LIPA: variants seen among roughly 807,000 people sequenced by gnomAD.
LIPA encodes lysosomal acid lipase/cholesteryl ester hydrolase.
Under a neutral mutation model 40.6 loss-of-function variants are expected in LIPA, and 26 were observed. The ratio of observed to expected loss-of-function variants is 0.64; its 90% CI spans 0.47 to 0.89. The LOEUF is 0.89. LIPA is among the 40% of genes least tolerant of loss of function. The probability of loss-of-function intolerance (pLI) is 0.00; values close to 1 mark genes in which losing one functional copy is unlikely to be tolerated. For synonymous variants in LIPA, 188 were observed against 168.4 expected (o/e 1.12, Z -0.90); for missense variants, 455 against 479.6 (o/e 0.95, Z 0.48).
intron 3 of LIPA, among the ~76,000 whole-genome samples, chr10:89,229,868 G>A (rs187906962): frequency 8.5e-4 from 129 of 152,232 alleles, no homozygotes; most frequent in East Asian, 1.7e-3. Context: ...ACAGGGGAGT[G>A]TGGGGGCAGA....
intron 1 of LIPA, among the ~76,000 whole-genome samples, chr10:89,267,099 C>A (rs1292107731): frequency 6.6e-6 from 1 of 152,214 alleles, no homozygotes; most frequent in East Asian, 1.9e-4. Flanking sequence ...CCCTCCTGTT[C>A]ACGTGATGTG....
In LIPA at chr10:89,265,435, C is replaced by T. The variant is rs182735717; in HGVS notation, c.-1-17786G>A. 1.2e-3 allele frequency among the ~76,000 whole-genome samples: 183 copies of T among 152,260 alleles called. 2 individuals carry two copies. The highest frequency in any genetic ancestry group is 6.8e-3 in the Middle Eastern group (2 of 294). ...TTCGCAGAGGCCACTCCAGATGGGC[C>T]GCTGCTGCCATCAGAATCAGTAAAC... is the stretch of plus-strand genomic sequence containing the variant. On this transcript the variant is annotated intron_variant, in intron 1 of 5. Transcript: ENST00000282673.
intron 2 of LIPA, among the ~76,000 whole-genome samples, chr10:89,401,231 C>T (rs1008439810): frequency 6.6e-6 from 1 of 151,970 alleles, no homozygotes; most frequent in African/African-American, 2.4e-5. Context: ...ATTCTCCTGC[C>T]TCAGCCTCCG....
intron 2 of LIPA, chr10:89,405,872 G>C (rs1230179047): frequency 2.6e-5 from 4 of 152,058 alleles, no homozygotes; most frequent in African/African-American, 9.7e-5. Flanking sequence ...AGGTTCTGGA[G>C]ACTTGGCCAT....
chr10:89,332,761 C>A, intron 1 of LIPA: 1 of 948,136 alleles, frequency 1.1e-6, no homozygotes, highest in South Asian at 1.4e-5. Flanking sequence ...CTTACCAATT[C>A]ATGCATTTTT....
chr10:89,394,577 AATATATATATAT>A lies in LIPA; in HGVS notation c.61+18202_61+18213del, dbSNP rs200060906. ...TTTATGTCAATATGTACTACAGGAA[AATATATATATAT>A]ATATATATATATATATATATATATA... On this transcript the variant is annotated intron_variant, in intron 2 of 8. Coordinates refer to the LIPA transcript ENST00000371837. 2.2e-3 allele frequency among the ~76,000 whole-genome samples: 238 copies of A among 108,722 alleles called. 2 individuals carry two copies. Among genetic ancestry groups the A allele is most frequent in the Non-Finnish European group, 3.3e-3 (182 of 55,660 alleles). 71.3% of individuals were successfully genotyped at this position (108,722 alleles called of 152,430 possible). A position where few individuals can be genotyped will look rare whatever the true frequency, so the allele number is the denominator to read the frequency against.
intron 1 of LIPA, among the ~76,000 whole-genome samples, chr10:89,302,933 C>T (rs7070001): frequency 0.31 from 46,318 of 151,310 alleles, 7,571 homozygotes; most frequent in African/African-American, 0.42. Context: ...ACACCTTGCC[C>T]TCTGTCTGTG....
intron 3 of LIPA, among the ~76,000 whole-genome samples, chr10:89,237,497 T>A (rs1320319614): frequency 6.6e-6 from 1 of 151,908 alleles, no homozygotes; most frequent in Non-Finnish European, 1.5e-5. Flanking sequence ...CGTTTATTAG[T>A]AAGGAAGAGA....
intron 1 of LIPA, among the ~76,000 whole-genome samples, chr10:89,342,233 C>T (rs1263088821): frequency 3.3e-5 from 5 of 152,146 alleles, no homozygotes; most frequent in Non-Finnish European, 7.3e-5. Flanking sequence ...TGGAATGGGA[C>T]ATACCACTCA....
chr10:89,348,656 C>T (rs1843940227), intron 2 of LIPA, among the ~76,000 whole-genome samples: 1 of 152,178 alleles, frequency 6.6e-6, no homozygotes, highest in South Asian at 2.1e-4. Flanking sequence ...TATAGAGAAC[C>T]AAACATCACC....
At chr10:89,250,089 T>TTTTTTTTC (rs1843093987) in intron 1 of LIPA, among the ~76,000 whole-genome samples, 6 of 90,874 alleles carry the variant, frequency 6.6e-5, no homozygotes, top group Admixed American at 1.2e-4. Flanking sequence ...TTCTTTTTCT[T>TTTTTTTTC]TTTCTTTTCT....
At chr10:89,301,013 T>C (rs1843442560) in intron 1 of LIPA, among the ~76,000 whole-genome samples, 1 of 152,232 alleles carries the variant, frequency 6.6e-6, no homozygotes, top group Admixed American at 6.5e-5. Flanking sequence ...TTAATAATTA[T>C]AATAGAAACT....
chr10:89,282,648 T>TA (rs528370572), intron 1 of LIPA, among the ~76,000 whole-genome samples: 2,326 of 145,486 alleles, frequency 0.016, 35 homozygotes, highest in Non-Finnish European at 0.026. Flanking sequence ...CTCAAAAAAA[T>TA]AAAAAAAAAA....
intron 2 of LIPA, among the ~76,000 whole-genome samples, chr10:89,380,898 ATGT>A (rs1844157735): frequency 6.6e-6 from 1 of 152,228 alleles, no homozygotes; most frequent in African/African-American, 2.4e-5. Flanking sequence ...AAGAAGATAC[ATGT>A]TGATGAACAA....
chr10:89,315,804 C>A (rs982909461), intron 1 of LIPA, among the ~76,000 whole-genome samples: 9 of 152,094 alleles, frequency 5.9e-5, no homozygotes, highest in Middle Eastern at 3.2e-3. Flanking sequence ...AATTCTGGCT[C>A]AATGATATGG....
chr10:89,288,057 G>C (rs1843351187), intron 1 of LIPA, among the ~76,000 whole-genome samples: 1 of 152,102 alleles, frequency 6.6e-6, no homozygotes, highest in Admixed American at 6.5e-5. Context: ...AATTACCTGG[G>C]CTGTACTGCT....
At chr10:89,234,864 T>C (rs914199416) in intron 3 of LIPA, among the ~76,000 whole-genome samples, 1 of 152,230 alleles carries the variant, frequency 6.6e-6, no homozygotes, top group African/African-American at 2.4e-5. Flanking sequence ...GTACTGAAAA[T>C]CCTTTGAAGT....
intron 4 of LIPA, among the ~76,000 whole-genome samples, chr10:89,227,668 G>A (rs1257433073): frequency 3.1e-4 from 47 of 152,190 alleles, no homozygotes. Flanking sequence ...GTTCATACAA[G>A]GTGCCAGGTT....
intron 1 of LIPA, chr10:89,328,064 G>C: frequency 1.2e-6 from 2 of 1,613,998 alleles, no homozygotes; most frequent in Middle Eastern, 1.7e-4. Flanking sequence ...CAGAGACACA[G>C]AGGGCAGTCA....
Sources: gnomAD v4.1 joint callset for allele counts (sites outside exome capture counted in the v4.1 genomes callset) on GRCh38, gnomAD v4.1.1 for gene constraint, MANE v1.5 for transcripts, NCBI Gene and HGNC (gene_info 2026-07-23, HGNC 2026-07-21) for gene names.